Variants in MALRD1 observed in about 807,000 individuals in gnomAD.
MALRD1 encodes the protein MAM and LDL receptor class A domain containing 1.
MALRD1 carries 247 observed loss-of-function variants against 242.1 expected under a neutral mutation model. That is an observed-to-expected ratio of 1.02 (90% CI 0.92 to 1.13). MALRD1 has a LOEUF of 1.13. Ranked by LOEUF, MALRD1 falls within the 50% of genes most tolerant of loss-of-function variation. MALRD1 has a pLI of 0.00. For synonymous variants in MALRD1, 995 were observed against 866.6 expected, an observed-to-expected ratio of 1.15 and a Z score of -2.60; for missense variants, 2,989 against 2,533.1, an observed-to-expected ratio of 1.18 and a Z score of -3.86.
At chr10:19,458,137 A>C (rs1835756543) in intron 29 of MALRD1, among the ~76,000 whole-genome samples, 4 of 152,120 alleles carry the variant, frequency 2.6e-5, no homozygotes, top group Admixed American at 2.6e-4. Context: ...TGTTAAATAT[A>C]CTCTTTATAG....
Position 19,270,572 on chromosome 10 carries a change from A to G in MALRD1, c.3080-9475A>G, listed in dbSNP as rs182507947. 1.8e-3 allele frequency among the ~76,000 whole-genome samples: 281 copies of G among 152,232 alleles called. 4 individuals are homozygous for G. Among genetic ancestry groups the G allele is most frequent in the Non-Finnish European group, 7.6e-4 (52 of 68,024 alleles). ...AGAACAGAAAGACAAAGCAAATGCC[A>G]GAGTTAGGAAGTAAGAGCATATGGG... On this transcript the variant is annotated intron_variant, in intron 19 of 39. Coordinates refer to ENST00000454679, the MANE Select transcript of MALRD1 (RefSeq NM_001142308.3).
At chr10:19,571,251 T>C (rs571584769) in intron 33 of MALRD1, among the ~76,000 whole-genome samples, 2 of 152,270 alleles carry the variant, frequency 1.3e-5, no homozygotes, top group African/African-American at 4.8e-5. Context: ...CTGGAGCAAA[T>C]GTTTATCCTG....
chr10:19,084,982 A>G (rs1013848252), intron 2 of MALRD1, among the ~76,000 whole-genome samples: 1 of 152,000 alleles, frequency 6.6e-6, no homozygotes, highest in Admixed American at 6.6e-5. Context: ...AGTATCATGT[A>G]AACAAGCTAT....
chr10:19,419,286 T>A (rs971687447), intron 28 of MALRD1, among the ~76,000 whole-genome samples: 1 of 151,928 alleles, frequency 6.6e-6, no homozygotes, highest in Non-Finnish European at 1.5e-5. Flanking sequence ...TTTCTTTCTT[T>A]GTTTTGTTTG....
chr10:19,615,339 C>T (rs1839094609), intron 35 of MALRD1, among the ~76,000 whole-genome samples: 1 of 151,026 alleles, frequency 6.6e-6, no homozygotes, highest in South Asian at 2.1e-4. Flanking sequence ...ACAACAATGG[C>T]AAGATCCCAT....
intron 2 of MALRD1, among the ~76,000 whole-genome samples, chr10:19,069,053 G>A (rs1235642928): frequency 1.3e-5 from 2 of 151,926 alleles, no homozygotes; most frequent in African/African-American, 4.8e-5. Flanking sequence ...TTTAAAGATG[G>A]GAATGCAAAT....
At chr10:19,111,747 A>C (rs1490931491) in intron 5 of MALRD1, among the ~76,000 whole-genome samples, 3 of 152,260 alleles carry the variant, frequency 2.0e-5, no homozygotes, top group Admixed American at 6.5e-5. Flanking sequence ...GCCAGGATTC[A>C]GATGAGGTCA....
intron 36 of MALRD1, among the ~76,000 whole-genome samples, chr10:19,673,802 C>T (rs1436545538): frequency 6.6e-6 from 1 of 151,722 alleles, no homozygotes; most frequent in Non-Finnish European, 1.5e-5. Flanking sequence ...TCATTTTGGT[C>T]AGGTTTTCAG....
At chr10:19,603,502 G>A (rs1047065019) in intron 34 of MALRD1, among the ~76,000 whole-genome samples, 2 of 152,120 alleles carry the variant, frequency 1.3e-5, no homozygotes, top group African/African-American at 4.8e-5. Flanking sequence ...TCAGATGGTT[G>A]TAGATGTGTG....
chr10:19,596,759 G>T lies in MALRD1; in HGVS notation c.5944+1302G>T, dbSNP rs117142055. On this transcript the variant is annotated intron_variant, in intron 34 of 39. Coordinates refer to ENST00000454679, the MANE Select transcript of MALRD1 (RefSeq NM_001142308.3). ...GTCTCAAAAAGAAAAGAAAAGAAAA[G>T]AACGAAAGAAAGAGAGAAAGAGAGA... is the stretch of plus-strand genomic sequence containing the variant. Among the ~76,000 whole-genome samples the T allele has an allele frequency of 2.6e-3, 387 of 147,840 alleles. 7 individuals carry two copies. The East Asian group carries it at 0.059, about 23-fold the overall frequency.
chr10:19,106,652 A>G (rs1486714934), intron 5 of MALRD1, among the ~76,000 whole-genome samples: 1 of 151,456 alleles, frequency 6.6e-6, no homozygotes, highest in Non-Finnish European at 1.5e-5. Flanking sequence ...TCTGATCTTT[A>G]TTATTTATTT....
intron 36 of MALRD1, among the ~76,000 whole-genome samples, chr10:19,679,669 C>T (rs1293563952): frequency 6.6e-6 from 1 of 151,788 alleles, no homozygotes; most frequent in Non-Finnish European, 1.5e-5. Context: ...CCACCTTGAT[C>T]TTGGTTATTT....
intron 14 of MALRD1, among the ~76,000 whole-genome samples, chr10:19,181,815 C>G (rs574130982): frequency 6.6e-6 from 1 of 152,074 alleles, no homozygotes; most frequent in Non-Finnish European, 1.5e-5. Flanking sequence ...CTATATGTAT[C>G]CCATAACCTT....
rs896705981 is a variant in MALRD1, at chr10:19,385,291, A to AT, written c.4442-2231dup. On this transcript the variant is annotated intron_variant, in intron 26 of 39. Transcript: ENST00000454679. ...AATGAATTAGGAAATGTTCTCTTCA[A>AT]TTTTTTGGAAGAGTTTGAGAAGGAT... Among the ~76,000 whole-genome samples the AT allele has an allele frequency of 4.6e-5, 7 of 152,060 alleles. 1 individual carries two copies. The East Asian group carries it at 1.4e-3, about 29-fold the overall frequency.
intron 13 of MALRD1, among the ~76,000 whole-genome samples, chr10:19,174,574 G>GGAATAGAA (rs1564443507): frequency 6.7e-6 from 1 of 150,146 alleles, no homozygotes; most frequent in Admixed American, 6.6e-5. Flanking sequence ...TTTTCTTCTT[G>GGAATAGAA]GAATAACAAC....
intron 29 of MALRD1, among the ~76,000 whole-genome samples, chr10:19,484,189 G>A (rs951651634): frequency 5.3e-5 from 8 of 152,144 alleles, no homozygotes; most frequent in Non-Finnish European, 1.0e-4. Flanking sequence ...CTACCTAGGT[G>A]ACAGGATTAT....
At chr10:19,695,938 A>C (rs1833358945) in intron 38 of MALRD1, among the ~76,000 whole-genome samples, 1 of 152,178 alleles carries the variant, frequency 6.6e-6, no homozygotes, top group African/African-American at 2.4e-5. Flanking sequence ...AGCATGGGAA[A>C]AACTCACTCC....
At chr10:19,217,841 A>G (rs1229598398) in intron 18 of MALRD1, among the ~76,000 whole-genome samples, 2 of 152,042 alleles carry the variant, frequency 1.3e-5, no homozygotes, top group Non-Finnish European at 2.9e-5. Flanking sequence ...CGGTCTTTAT[A>G]CTTACTTGTT....
At chr10:19,310,359 G>C (rs1485258044) in intron 21 of MALRD1, among the ~76,000 whole-genome samples, 1 of 151,536 alleles carries the variant, frequency 6.6e-6, no homozygotes, top group African/African-American at 2.4e-5. Context: ...CAATTGAAGG[G>C]ATAACTATAT....
Sources: gnomAD v4.1 joint callset for allele counts (sites outside exome capture counted in the v4.1 genomes callset) on GRCh38, gnomAD v4.1.1 for gene constraint, MANE v1.5 for transcripts, NCBI Gene and HGNC (gene_info 2026-07-23, HGNC 2026-07-21) for gene names.